WDR64: variants seen among roughly 807,000 people sequenced by gnomAD.
WDR64 encodes WD repeat-containing protein 64.
Under a neutral mutation model 139.3 loss-of-function variants are expected in WDR64, and 112 were observed. The ratio of observed to expected loss-of-function variants is 0.80; its 90% CI spans 0.69 to 0.94. The LOEUF (loss-of-function observed/expected upper bound fraction) is 0.94. WDR64 is among the 40% of genes least tolerant of loss of function. WDR64 has a pLI of 0.00. For missense variants in WDR64, 1,206 were observed against 1,293.1 expected, an observed-to-expected ratio of 0.93 and a Z score of 1.03; for synonymous variants, 444 against 437.7, an observed-to-expected ratio of 1.01 and a Z score of -0.18.
chr1:241,762,383 TG>T (rs1333744945), intron 15 of WDR64, among the ~76,000 whole-genome samples: 1 of 152,196 alleles, frequency 6.6e-6, no homozygotes, highest in Non-Finnish European at 1.5e-5. Context: ...AAGCTATTTT[TG>T]TGATATGCTT....
chr1:241,771,851 G>A (rs988630046), intron 19 of WDR64, among the ~76,000 whole-genome samples, 154 bp downstream of exon 19: 23 of 138,196 alleles, frequency 1.7e-4, no homozygotes, highest in Non-Finnish European at 2.9e-4. Flanking sequence ...CATTATATAC[G>A]TATATATAAT....
In WDR64 at chr1:241,741,609, T is replaced by G; in HGVS notation, c.1415T>G (p.Leu472Arg). 6.2e-7 allele frequency: 1 copy of G among 1,613,456 alleles called. No homozygotes were observed. The highest frequency in any genetic ancestry group is 8.5e-7 in the Non-Finnish European group (1 of 1,179,872). The change falls in exon 12 of 28, where the codon CTT becomes CGT. Residue 472 changes from leucine (L) to arginine (R), a missense_variant. Physicochemically the swap from Leu to Arg is moderately radical, Grantham distance 102. Coordinates refer to ENST00000437684, the MANE Select transcript of WDR64 (RefSeq NM_001367482.1). The part of the protein sequence containing the change: ...HTHEREINVM[L>R]YNKYFHQVLT... ...CATGAACGAGAAATCAATGTCATGC[T>G]TTACAACAAATATTTTCATCAAGTA... is the stretch of plus-strand genomic sequence containing the variant.
chr1:241,734,327 G>T (rs983106966), intron 10 of WDR64, among the ~76,000 whole-genome samples: 3 of 152,028 alleles, frequency 2.0e-5, no homozygotes, highest in African/African-American at 7.2e-5. Context: ...ATGTCGTGAG[G>T]ACCCCCTGAG....
At chr1:241,751,489 C>T (rs1669981308) in intron 14 of WDR64, among the ~76,000 whole-genome samples, 1 of 152,184 alleles carries the variant, frequency 6.6e-6, no homozygotes. Flanking sequence ...CAAACACCCC[C>T]ATCCCGGCTC....
At chr1:241,662,776 T>C (rs1476255419) in intron 2 of WDR64, among the ~76,000 whole-genome samples, 1 of 152,182 alleles carries the variant, frequency 6.6e-6, no homozygotes, top group African/African-American at 2.4e-5. Flanking sequence ...ATCATATTTA[T>C]TGCTGAAATA....
chr1:241,787,265 G>A (rs1190775386), intron 23 of WDR64, among the ~76,000 whole-genome samples: 1 of 151,346 alleles, frequency 6.6e-6, no homozygotes, highest in Non-Finnish European at 1.5e-5. Flanking sequence ...TCGGGAGGCT[G>A]AGGCAGGAGA....
intron 2 of WDR64, among the ~76,000 whole-genome samples, chr1:241,668,451 A>G (rs1209349911): frequency 6.6e-6 from 1 of 152,174 alleles, no homozygotes; most frequent in African/African-American, 2.4e-5. Flanking sequence ...CACTAACCAC[A>G]GGGAAATGAC....
intron 2 of WDR64, among the ~76,000 whole-genome samples, chr1:241,670,057 T>TTTTATGAAA (rs1666164137): frequency 6.6e-6 from 1 of 152,318 alleles, no homozygotes; most frequent in Admixed American, 6.5e-5. Flanking sequence ...TTTATAAGCA[T>TTTTATGAAA]TTTATTAATT....
intron 1 of WDR64, among the ~76,000 whole-genome samples, chr1:241,658,283 T>TA (rs1389549985): frequency 3.5e-5 from 2 of 56,616 alleles, no homozygotes; most frequent in Non-Finnish European, 7.5e-5. Flanking sequence ...ATTCAAGCAA[T>TA]GGTGTGTGTG....
chr1:241,678,224 C>T lies in WDR64; in HGVS notation c.513+8C>T, dbSNP rs1666634851. 2.5e-6 allele frequency: 1 copy of T among 398,792 alleles called. No homozygotes were observed. The highest frequency in any genetic ancestry group is 4.4e-6 in the Non-Finnish European group (1 of 225,996). The allele number at this position is 398,792 out of a possible 1,614,324, so 24.7% of individuals were successfully genotyped here. ...ACCAGCACCAATGTTACAGTAAGTA[C>T]ACTTTAAAAATTCCTAATTAAGTCA... On this transcript the variant is annotated splice_region_variant and intron_variant, in intron 5 of 27. Transcript: ENST00000437684.
chr1:241,747,281 C>T (rs1669798943), intron 13 of WDR64, among the ~76,000 whole-genome samples: 2 of 152,160 alleles, frequency 1.3e-5, no homozygotes, highest in Non-Finnish European at 2.9e-5. Context: ...AACGCATACA[C>T]ACACGAGTGC....
At chr1:241,689,338 T>A (rs1396860393) in intron 8 of WDR64, among the ~76,000 whole-genome samples, 1 of 152,138 alleles carries the variant, frequency 6.6e-6, no homozygotes, top group African/African-American at 2.4e-5. Flanking sequence ...ATGCTGTCTA[T>A]GAGAAACACA....
At chr1:241,673,763 C>CTA (rs140454105) in intron 3 of WDR64, among the ~76,000 whole-genome samples, 4,158 of 152,134 alleles carry the variant, frequency 0.027, 111 homozygotes, top group South Asian at 0.097. Context: ...GGAAGAAATT[C>CTA]TATATATATG....
intron 20 of WDR64, among the ~76,000 whole-genome samples, chr1:241,773,563 G>A (rs569006171): frequency 8.9e-4 from 135 of 152,250 alleles, no homozygotes; most frequent in African/African-American, 3.2e-3. Flanking sequence ...TCCACCCCTC[G>A]GTTCAAGCGA....
intron 8 of WDR64, among the ~76,000 whole-genome samples, chr1:241,699,146 C>A (rs1394869342): frequency 6.6e-6 from 1 of 152,160 alleles, no homozygotes; most frequent in African/African-American, 2.4e-5. Flanking sequence ...AGCTACAATT[C>A]AAGATGAGAT....
chr1:241,769,299 T>TG, intron 16 of WDR64, 105 bp from the exon 17 acceptor site: 1 of 828,994 alleles, frequency 1.2e-6, no homozygotes, highest in Non-Finnish European at 1.9e-6. Context: ...TCAATAATAT[T>TG]AGCATTTGAG....
At chr1:241,791,120 C>T (rs1659203218) in intron 25 of WDR64, among the ~76,000 whole-genome samples, 1 of 18,154 alleles carries the variant, frequency 5.5e-5, no homozygotes, top group Non-Finnish European at 1.1e-4. Context: ...AACTCCATCT[C>T]TATTAAAAGT....
rs936178914 is a variant in WDR64 at position 241,674,682 on chromosome 1, A to G, written c.418A>G (p.Ile140Val). The change falls in exon 4 of 28, where the codon ATA (isoleucine) becomes GTA (valine). Residue 140 changes from isoleucine to valine, a missense_variant. Transcript: ENST00000437684. ...AGATGTGATTAAGAGCATTGTCAAGATACCTCACCTGGATTTACTAATAAC... is the reference window on the plus strand; with the variant it reads ...AGATGTGATTAAGAGCATTGTCAAGGTACCTCACCTGGATTTACTAATAAC... The part of the protein sequence containing the change: ...RRDVIKSIVK[I>V]PHLDLLITAT... 2.6e-6 allele frequency: 4 copies of G among 1,550,464 alleles called. No homozygotes were observed. Among genetic ancestry groups the G allele is most frequent in the Non-Finnish European group, 3.5e-6 (4 of 1,146,214 alleles).
intron 10 of WDR64, among the ~76,000 whole-genome samples, chr1:241,734,084 C>T (rs1669199629): frequency 1.3e-5 from 2 of 152,134 alleles, no homozygotes; most frequent in African/African-American, 4.8e-5. Context: ...AAAGTCATCC[C>T]TCTGCTCACT....
Sources: gnomAD v4.1 joint callset for allele counts (sites outside exome capture counted in the v4.1 genomes callset) on GRCh38, gnomAD v4.1.1 for gene constraint, MANE v1.5 for transcripts, NCBI Gene and HGNC (gene_info 2026-07-23, HGNC 2026-07-21) for gene names.